Variants in ADCY9 observed in about 807,000 individuals in gnomAD.
The protein encoded by ADCY9 is adenylate cyclase 9, also known as adenylate cyclase type 9.
ADCY9 carries 50 observed loss-of-function variants against 101.5 expected under a neutral mutation model. That is an observed-to-expected ratio of 0.49 (90% CI 0.39 to 0.62). ADCY9 has a LOEUF of 0.62. Among genes scored for constraint, ADCY9 ranks in the 20% least tolerant of loss-of-function variants. The probability of loss-of-function intolerance (pLI) is 0.00; values close to 1 mark genes in which losing one functional copy is unlikely to be tolerated. For missense variants in ADCY9, 1,662 were observed against 1,800.4 expected (o/e 0.92, Z 1.39); for synonymous variants, 905 against 769.3 (o/e 1.18, Z -2.92).
chr16:3,965,922 G>C lies in ADCY9; in HGVS notation c.3915C>G (p.His1305Gln), dbSNP rs755792053. The change falls in exon 11 of 11, where the codon CAC (histidine) becomes CAG (glutamine). Residue 1305 changes from histidine (H) to glutamine (Q), a missense_variant. Physicochemically the swap from His to Gln is conservative, Grantham distance 24. Coordinates refer to ENST00000294016, the MANE Select transcript of ADCY9 (RefSeq NM_001116.4). ...SDSSTQAKDA[H>Q]LSPKRPWKEP... ...CCTTCCACGGTCTCTTGGGGGACAG[G>C]TGGGCATCCTTGGCCTGCGTGCTGC... 3 of 1,614,188 alleles carry C rather than the reference G, an allele frequency of 1.9e-6. No individual in the cohort carries two copies. Among genetic ancestry groups the C allele is most frequent in the Non-Finnish European group, 2.5e-6 (3 of 1,180,044 alleles).
At chr16:4,024,568 G>A (rs2056501370) in intron 2 of ADCY9, among the ~76,000 whole-genome samples, 1 of 151,988 alleles carries the variant, frequency 6.6e-6, no homozygotes, top group Admixed American at 6.6e-5. Flanking sequence ...GCGGCTGGCT[G>A]GCTCTTTTTA....
intron 2 of ADCY9, among the ~76,000 whole-genome samples, chr16:4,040,517 C>T (rs991234654): frequency 8.7e-5 from 13 of 150,092 alleles, no homozygotes; most frequent in African/African-American, 2.2e-4. Flanking sequence ...AGTGCAGTGG[C>T]GCAATCTCGG....
intron 10 of ADCY9, among the ~76,000 whole-genome samples, chr16:3,974,401 G>A (rs1044832894): frequency 2.0e-5 from 3 of 152,142 alleles, no homozygotes; most frequent in African/African-American, 4.8e-5. Context: ...TTTGATTTGC[G>A]AGATTTCCTT....
At chr16:3,961,744 G>T (rs1443651101), downstream of ADCY9, among the ~76,000 whole-genome samples, 4 of 152,124 alleles carry the variant, frequency 2.6e-5, no homozygotes, top group African/African-American at 9.7e-5. Context: ...TAACTTACCA[G>T]GCCGGGCACA....
intron 2 of ADCY9, among the ~76,000 whole-genome samples, chr16:4,039,665 G>C (rs111758038): frequency 0.02 from 2,577 of 131,148 alleles, 86 homozygotes; most frequent in African/African-American, 0.07. Context: ...GGCAACAAGA[G>C]TGAAACTCTG....
chr16:4,020,377 T>C (rs958951128), intron 2 of ADCY9, among the ~76,000 whole-genome samples: 5 of 152,082 alleles, frequency 3.3e-5, no homozygotes, highest in Admixed American at 3.3e-4. Context: ...AAACGTGAAG[T>C]CATAAGAACT....
At chr16:4,101,659 G>C (rs1244562894) in intron 2 of ADCY9, among the ~76,000 whole-genome samples, 1 of 152,094 alleles carries the variant, frequency 6.6e-6, no homozygotes, top group Non-Finnish European at 1.5e-5. Flanking sequence ...TCTATCTCCA[G>C]AACCTAGTCC....
chr16:4,057,643 G>A (rs2056748705), intron 2 of ADCY9, among the ~76,000 whole-genome samples: 2 of 152,240 alleles, frequency 1.3e-5, no homozygotes, highest in Admixed American at 6.5e-5. Flanking sequence ...GAGCACGCCA[G>A]AGGGCCCCCA....
At chr16:4,101,232 C>T (rs1257461300) in intron 2 of ADCY9, among the ~76,000 whole-genome samples, 1 of 151,864 alleles carries the variant, frequency 6.6e-6, no homozygotes, top group Non-Finnish European at 1.5e-5. Flanking sequence ...ATCATCTCAA[C>T]CCTATCTGTA....
intron 2 of ADCY9, among the ~76,000 whole-genome samples, chr16:4,059,539 AAAC>A (rs2056761647): frequency 6.6e-6 from 1 of 152,220 alleles, no homozygotes; most frequent in Non-Finnish European, 1.5e-5. Context: ...AGTCGGTCAA[AAAC>A]AACCACCACA....
rs55792873 is a variant in ADCY9 at position 4,035,998 on chromosome 16, C to CAAAAA, written c.1694-28445_1694-28441dup. Among the ~76,000 whole-genome samples the CAAAAA allele has an allele frequency of 6.1e-3, 142 of 23,158 alleles. 20 individuals carry two copies. Among genetic ancestry groups the CAAAAA allele is most frequent in the African/African-American group, 0.01 (63 of 6,090 alleles). 15.2% of individuals were successfully genotyped at this position (23,158 alleles called of 152,430 possible). On this transcript the variant is annotated intron_variant, in intron 2 of 10. Transcript: ENST00000294016. The stretch of plus-strand genomic sequence containing the variant: ...TGGGCAAATGAGTGAAACTCCATCT[C>CAAAAA]AAAAAAAAAAAAAAAAAAAAAAAAA...
intron 3 of ADCY9, among the ~76,000 whole-genome samples, chr16:4,000,776 A>T (rs1308486540): frequency 6.6e-6 from 1 of 152,092 alleles, no homozygotes; most frequent in Non-Finnish European, 1.5e-5. Context: ...TGGCGATCCG[A>T]GTCAAGAATA....
chr16:4,022,680 G>A (rs112506079), intron 2 of ADCY9, among the ~76,000 whole-genome samples: 1,898 of 151,920 alleles, frequency 0.012, 33 homozygotes, highest in African/African-American at 0.044. Flanking sequence ...TGTAATCCCC[G>A]CAATTTGGGA....
intron 2 of ADCY9, among the ~76,000 whole-genome samples, chr16:4,044,974 C>A (rs575335345): frequency 6.6e-6 from 1 of 152,194 alleles, no homozygotes; most frequent in East Asian, 1.9e-4. Flanking sequence ...TGTGCTGGCT[C>A]GGTATGGTTG....
chr16:4,064,525 T>G (rs1459418638), intron 2 of ADCY9, among the ~76,000 whole-genome samples: 2 of 152,128 alleles, frequency 1.3e-5, no homozygotes, highest in Non-Finnish European at 2.9e-5. Context: ...CGGGCTGGAG[T>G]ACAATGGCAC....
chr16:4,013,911 A>G (rs2056420278), intron 2 of ADCY9, among the ~76,000 whole-genome samples: 1 of 152,204 alleles, frequency 6.6e-6, no homozygotes, highest in African/African-American at 2.4e-5. Flanking sequence ...TCCTACTCAT[A>G]TGCACCATAA....
At chr16:3,970,135 T>C (rs1006113808) in intron 10 of ADCY9, among the ~76,000 whole-genome samples, 1 of 152,170 alleles carries the variant, frequency 6.6e-6, no homozygotes, top group Non-Finnish European at 1.5e-5. Flanking sequence ...GCTTGGTCAC[T>C]ATATACTTAT....
chr16:4,114,891 G>A lies in ADCY9; in HGVS notation c.552C>T (p.Phe184=), dbSNP rs757054628. ...GGAACTGCGCAGCCAGGGTCAGGGC[G>A]AACACCAGCAGGGTGAGAGCCAGCG... ...WTSLALTLLV[F]ALTLAAQFQV... is the part of the protein sequence containing the mutation. The change falls in exon 2 of 11, where the codon TTC becomes TTT. Residue 184 remains phenylalanine (F), a synonymous_variant. Transcript: ENST00000294016. This position sits in a 1 kb window ranked among gnomAD's most constrained non-coding sequence, Gnocchi z 4.3. 10 of 1,613,812 alleles carry A rather than the reference G, an allele frequency of 6.2e-6. No individual in the cohort carries two copies. The highest frequency in any genetic ancestry group is 7.6e-6 in the Non-Finnish European group (9 of 1,180,040).
chr16:4,085,317 G>C (rs955100465), intron 2 of ADCY9, among the ~76,000 whole-genome samples: 1 of 152,078 alleles, frequency 6.6e-6, no homozygotes, highest in Non-Finnish European at 1.5e-5. Flanking sequence ...AGCCGAGATC[G>C]CACCACTGCA....
Sources: gnomAD v4.1 joint callset for allele counts (sites outside exome capture counted in the v4.1 genomes callset) on GRCh38, gnomAD v4.1.1 for gene constraint, Gnocchi (gnomAD v3.1) non-coding constraint, MANE v1.5 for transcripts, NCBI Gene and HGNC (gene_info 2026-07-23, HGNC 2026-07-21) for gene names.